The following DGKB variants were observed in gnomAD, a reference collection of about 807,000 sequenced individuals.
DGKB encodes 90 kDa diacylglycerol kinase.
In DGKB, 67 loss-of-function variants were observed where a neutral mutation model predicts 114.3. That is an observed-to-expected ratio of 0.59 (90% confidence interval 0.48 to 0.72). The LOEUF (loss-of-function observed/expected upper bound fraction) is 0.72, where lower values mean the gene tolerates loss of function less well. Ranked by LOEUF, DGKB falls within the 30% of genes least tolerant of loss-of-function variation. DGKB has a pLI of 0.00. For missense variants in DGKB, 907 were observed against 975.2 expected, an observed-to-expected ratio of 0.93 and a Z score of 0.93; for synonymous variants, 398 against 323.1, an observed-to-expected ratio of 1.23 and a Z score of -2.49.
intron 13 of DGKB, among the ~76,000 whole-genome samples, chr7:14,669,738 C>T (rs1049631107): frequency 6.6e-6 from 1 of 152,060 alleles, no homozygotes; most frequent in South Asian, 2.1e-4. Flanking sequence ...CCAGACCAGA[C>T]CAAACCAAAA....
intron 2 of DGKB, among the ~76,000 whole-genome samples, chr7:14,772,791 G>C (rs1837608851): frequency 6.6e-6 from 1 of 152,110 alleles, no homozygotes; most frequent in Non-Finnish European, 1.5e-5. Flanking sequence ...AAACCACCAG[G>C]AGGAAATCAT....
intron 1 of DGKB, among the ~76,000 whole-genome samples, chr7:14,901,564 A>G (rs1783059139): frequency 6.6e-6 from 1 of 151,692 alleles, no homozygotes; most frequent in African/African-American, 2.4e-5. Flanking sequence ...ACTAAGTCTA[A>G]CATTTTTGTG....
intron 4 of DGKB, among the ~76,000 whole-genome samples, chr7:14,737,753 G>C (rs952853850): frequency 6.6e-6 from 1 of 151,978 alleles, no homozygotes; most frequent in Non-Finnish European, 1.5e-5. Context: ...GCAGTAAAAA[G>C]ACTTCATTTT....
chr7:14,450,942 C>A (rs1253785274), intron 21 of DGKB, among the ~76,000 whole-genome samples: 2 of 152,052 alleles, frequency 1.3e-5, no homozygotes, highest in Admixed American at 1.3e-4. Context: ...GGTAATTACA[C>A]AGTCTACAAC....
intron 21 of DGKB, among the ~76,000 whole-genome samples, chr7:14,418,197 T>TTATTTATAAATG (rs1317387970): frequency 4.9e-5 from 6 of 122,844 alleles, no homozygotes; most frequent in African/African-American, 1.7e-4. Context: ...ATAAAAAATT[T>TTATTTATAAATG]TATATTTATA....
At chr7:14,525,030 C>T (rs988208354) in intron 20 of DGKB, among the ~76,000 whole-genome samples, 4 of 151,966 alleles carry the variant, frequency 2.6e-5, no homozygotes, top group Non-Finnish European at 5.9e-5. Context: ...GTGATGAGTA[C>T]ATGTAGTCAT....
intron 21 of DGKB, among the ~76,000 whole-genome samples, chr7:14,359,215 T>A (rs1209544072): frequency 6.6e-6 from 1 of 152,082 alleles, no homozygotes; most frequent in Admixed American, 6.6e-5. Context: ...CAAGCAATGG[T>A]GAAAGGATTC....
intron 1 of DGKB, among the ~76,000 whole-genome samples, chr7:14,893,349 G>A (rs1037980764): frequency 6.6e-6 from 1 of 151,382 alleles, no homozygotes; most frequent in African/African-American, 2.4e-5. Context: ...ATCCTTAAAA[G>A]ACGTTTTTTC....
chr7:14,616,072 A>T (rs1806451892), intron 15 of DGKB, among the ~76,000 whole-genome samples: 1 of 150,794 alleles, frequency 6.6e-6, no homozygotes, highest in Admixed American at 6.7e-5. Context: ...AAAAGTTGCA[A>T]TGACTCTCAA....
intron 20 of DGKB, among the ~76,000 whole-genome samples, chr7:14,495,174 C>T (rs989648667): frequency 6.6e-6 from 1 of 151,716 alleles, no homozygotes; most frequent in African/African-American, 2.4e-5. Flanking sequence ...CTGATACACA[C>T]AATGGAAAAT....
intron 2 of DGKB, among the ~76,000 whole-genome samples, chr7:14,796,687 T>TGA (rs547143057): frequency 1.4e-5 from 2 of 140,956 alleles, no homozygotes; most frequent in African/African-American, 5.1e-5. Context: ...TTCTAGAAAG[T>TGA]AAAAAAAAAA....
intron 23 of DGKB, among the ~76,000 whole-genome samples, chr7:14,272,509 T>C (rs1798407507): frequency 6.6e-6 from 1 of 152,228 alleles, no homozygotes; most frequent in African/African-American, 2.4e-5. Flanking sequence ...CATTTTTCTA[T>C]TGAGATTTAT....
At chr7:14,333,708 AAATCAATTAGAGTAACT>A (rs1428533386) in intron 23 of DGKB, among the ~76,000 whole-genome samples, 1 of 152,182 alleles carries the variant, frequency 6.6e-6, no homozygotes, top group Non-Finnish European at 1.5e-5. Flanking sequence ...CTTCAAAGCT[AAATCAATTAGAGTAACT>A]AAAATGGTTC....
intron 2 of DGKB, among the ~76,000 whole-genome samples, chr7:14,821,699 G>T (rs1844957641): frequency 3.3e-5 from 5 of 152,150 alleles, no homozygotes; most frequent in Admixed American, 2.6e-4. Flanking sequence ...AGTGCTTTAT[G>T]TACATCAGGA....
chr7:14,617,188 C>G (rs1317636652), intron 15 of DGKB, among the ~76,000 whole-genome samples: 1 of 151,610 alleles, frequency 6.6e-6, no homozygotes, highest in Non-Finnish European at 1.5e-5. Flanking sequence ...CTTCTAATTT[C>G]TAGGTTCACA....
At chr7:14,436,566 T>A (rs1431532) in intron 21 of DGKB, among the ~76,000 whole-genome samples, 51,117 of 151,880 alleles carry the variant, frequency 0.34, 8,959 homozygotes, top group South Asian at 0.41. Flanking sequence ...CTGGCCTCTT[T>A]CCCTAGAAAA....
chr7:14,945,216 G>A (rs1785804688), intron 1 of DGKB, among the ~76,000 whole-genome samples: 1 of 151,656 alleles, frequency 6.6e-6, no homozygotes, highest in African/African-American at 2.4e-5. Flanking sequence ...CAGGCATAAC[G>A]CTGAGAAAGA....
rs1781357798 is a variant in DGKB at position 14,145,252 on chromosome 7, A to G, written c.*3879T>C. 6.6e-6 allele frequency: 1 copy of G among 152,120 alleles called. No homozygotes were observed. Among genetic ancestry groups the G allele is most frequent in the Admixed American group, 6.6e-5 (1 of 15,248 alleles). 9.4% of individuals were successfully genotyped at this position (152,120 alleles called of 1,614,324 possible). ...TAAGTGGTGATTTCTGCCTCTCACA[A>G]AATAAAAGCTCTTTTACAGGGTTTT... On this transcript the variant is annotated 3_prime_UTR_variant, in exon 26 of 26. Transcript: ENST00000402815.
chr7:14,753,944 T>C lies in DGKB; in HGVS notation c.152A>G (p.Gln51Arg), dbSNP rs1438776339. Reference protein sequence around the residue: ...VLAKYNPEGKQDILNQTIDFE... With the variant: ...VLAKYNPEGKRDILNQTIDFE... ...ATGTCTTACTTGGTTAAGAATGTCT[T>C]GTTTCTGTGCATGCAAGGAAAGAAA... Residue 51 changes from glutamine (Q) to arginine (R), a missense_variant, in exon 4 of 26, where the codon CAA becomes CGA. Physicochemically the swap from Gln to Arg is conservative, Grantham distance 43 (BLOSUM62 1). Transcript: ENST00000402815. 1 of 1,519,250 alleles carries C rather than the reference T, an allele frequency of 6.6e-7. No homozygotes were observed. The highest frequency in any genetic ancestry group is 9.0e-7 in the Non-Finnish European group (1 of 1,110,480). The allele number at this position is 1,519,250 out of a possible 1,614,324, so 94.1% of individuals were successfully genotyped here. A position where few individuals can be genotyped will look rare whatever the true frequency, so the allele number is the denominator to read the frequency against.
Sources: allele counts gnomAD v4.1 joint callset (sites outside exome capture counted in the v4.1 genomes callset), GRCh38; gene constraint gnomAD v4.1.1; transcripts MANE v1.5; gene names NCBI Gene and HGNC (gene_info 2026-07-23, HGNC 2026-07-21).